The following C8orf76 variants were observed in gnomAD, a reference collection of about 807,000 sequenced individuals.
C8orf76 encodes the protein chromosome 8 open reading frame 76.
Under a neutral mutation model 38.1 loss-of-function variants are expected in C8orf76, and 46 were observed. That is an observed-to-expected ratio of 1.21 (90% CI 0.95 to 1.54). The LOEUF (loss-of-function observed/expected upper bound fraction) is 1.54. Ranked by LOEUF, C8orf76 falls within the 40% of genes most tolerant of loss-of-function variation. The pLI, the probability that C8orf76 is intolerant of heterozygous loss-of-function variation, is 0.00. For missense variants in C8orf76, 461 were observed against 441.6 expected (o/e 1.04, Z -0.39); for synonymous variants, 166 against 167.5 (o/e 0.99, Z 0.07).
At chr8:123,228,407 G>A (rs951739153) in intron 4 of C8orf76, among the ~76,000 whole-genome samples, 11 of 152,068 alleles carry the variant, frequency 7.2e-5, no homozygotes, top group Non-Finnish European at 1.5e-4. Context: ...GATCACCTGA[G>A]GTCGGGAATT....
chr8:123,223,611 C>CA (rs926099952), intron 5 of C8orf76, among the ~76,000 whole-genome samples: 48 of 150,758 alleles, frequency 3.2e-4, no homozygotes, highest in Non-Finnish European at 5.8e-4. Flanking sequence ...CCGTCTCAAA[C>CA]AAAAAAAACA....
chr8:123,237,197 AC>A (rs1825526895), intron 3 of C8orf76: 1 of 666,114 alleles, frequency 1.5e-6, no homozygotes, highest in Non-Finnish European at 2.7e-6. Context: ...AACAACCTGT[AC>A]CCCAAGACGA....
chr8:123,236,813 C>CTTTTTTTT, intron 3 of C8orf76: 2 of 622,322 alleles, frequency 3.2e-6, no homozygotes. Flanking sequence ...GAAAAATTCC[C>CTTTTTTTT]TTTTTCTTCA....
intron 2 of C8orf76, among the ~76,000 whole-genome samples, chr8:123,238,156 C>T (rs1825561967): frequency 6.6e-6 from 1 of 152,148 alleles, no homozygotes; most frequent in South Asian, 2.1e-4. Flanking sequence ...ATTGCAGCTC[C>T]CATAACCCCC....
chr8:123,227,956 T>C (rs1825106695), intron 4 of C8orf76, among the ~76,000 whole-genome samples: 1 of 152,096 alleles, frequency 6.6e-6, no homozygotes, highest in South Asian at 2.1e-4. Context: ...GTAACTTGCT[T>C]TCTGCCCTCT....
chr8:123,231,654 T>C lies in C8orf76; in HGVS notation c.461A>G (p.Gln154Arg). The change falls in exon 4 of 6, where the codon CAG becomes CGG. Residue 154 changes from glutamine (Q) to arginine (R), a missense_variant. Transcript: ENST00000276704. ...QNLEKTIFCL[Q>R]KLISLHPFNP... ...AAAAGGATGCAAAGAAATCAGTTTC[T>C]GCAGGCAGAAAATTGTTTTCTCCAA... is the stretch of plus-strand genomic sequence containing the variant. 1.2e-6 allele frequency: 2 copies of C among 1,614,170 alleles called. No individual in the cohort carries two copies. Among genetic ancestry groups the C allele is most frequent in the South Asian group, 1.1e-5 (1 of 91,076 alleles).
chr8:123,222,533 C>A (rs932852091), intron 5 of C8orf76, among the ~76,000 whole-genome samples: 2 of 152,058 alleles, frequency 1.3e-5, no homozygotes, highest in African/African-American at 2.4e-5. Flanking sequence ...TTTTAAACTT[C>A]CATATGCCAA....
At chr8:123,222,138 G>A (rs541197921) in intron 5 of C8orf76, among the ~76,000 whole-genome samples, 35 of 152,216 alleles carry the variant, frequency 2.3e-4, no homozygotes, top group South Asian at 1.9e-3. Flanking sequence ...ACAGGCGTGC[G>A]CCACCAGGCC....
intron 4 of C8orf76, among the ~76,000 whole-genome samples, chr8:123,230,927 C>T (rs900889522): frequency 3.3e-5 from 5 of 152,178 alleles, no homozygotes; most frequent in South Asian, 2.1e-4. Flanking sequence ...GGATTACAGG[C>T]GTGAGCCACC....
At chr8:123,227,800 G>GT (rs1185726936) in intron 4 of C8orf76, among the ~76,000 whole-genome samples, 2 of 152,136 alleles carry the variant, frequency 1.3e-5, no homozygotes, top group South Asian at 2.1e-4. Context: ...CGGAATTGAC[G>GT]TAAGTGCAAT....
intron 3 of C8orf76, chr8:123,236,997 C>G: frequency 6.5e-7 from 1 of 1,542,898 alleles, no homozygotes; most frequent in Non-Finnish European, 8.9e-7. Context: ...GATGGCCGCA[C>G]TCTCTCAGAC....
rs1240816546 is a variant in C8orf76, at chr8:123,241,278, C to G, written c.69G>C (p.Arg23=). The G allele has an allele frequency of 6.3e-7, 1 of 1,582,862 alleles. No homozygotes were observed. The highest frequency in any genetic ancestry group is 1.1e-5 in the South Asian group (1 of 89,212). Residue 23 remains arginine (R), a synonymous_variant, in exon 1 of 6, where the codon CGG becomes CGC. Coordinates refer to ENST00000276704, the MANE Select transcript of C8orf76 (RefSeq NM_032847.3). The part of the protein sequence containing the change: ...EDSVFEERPE[R]RSGPPASYCA... ...AGTAGGACGCGGGCGGTCCTGACCG[C>G]CGCTCCGGCCTCTCCTCGAACACCG...
chr8:123,227,324 T>C (rs1040061360), intron 4 of C8orf76, among the ~76,000 whole-genome samples: 3 of 151,686 alleles, frequency 2.0e-5, no homozygotes, highest in African/African-American at 7.3e-5. Flanking sequence ...TGGTACCTAC[T>C]GCAATGCCCA....
At chr8:123,224,645 T>G (rs549157252) in intron 5 of C8orf76, among the ~76,000 whole-genome samples, 1 of 152,202 alleles carries the variant, frequency 6.6e-6, no homozygotes, top group South Asian at 2.1e-4. Flanking sequence ...ATGTACATTA[T>G]AATCCTAATT....
At chr8:123,223,606 TCAAACAAAAAAAA>T (rs1434475843) in intron 5 of C8orf76, among the ~76,000 whole-genome samples, 1 of 151,962 alleles carries the variant, frequency 6.6e-6, no homozygotes, top group Non-Finnish European at 1.5e-5. Context: ...AGACTCCGTC[TCAAACAAAAAAAA>T]CAAACAAAAA....
chr8:123,226,199 C>A, intron 5 of C8orf76: 1 of 1,202,474 alleles, frequency 8.3e-7, no homozygotes. Flanking sequence ...TGTAAGCATT[C>A]ATTCATTCAT....
chr8:123,239,065 C>T lies in C8orf76; in HGVS notation c.197G>A (p.Arg66Lys). ...LKKFKGDLAY[R>K]RQEYQKALQE... ...GAATTCTACCTGATACTCTTGTCGTCTGTAGGCCAGGTCTCCTTTGAATTT... is the reference window on the plus strand; with the variant it reads ...GAATTCTACCTGATACTCTTGTCGTTTGTAGGCCAGGTCTCCTTTGAATTT... The change falls in exon 2 of 6, where the codon AGA (arginine) becomes AAA (lysine). Residue 66 changes from arginine to lysine, a missense_variant. Coordinates refer to ENST00000276704, the MANE Select transcript of C8orf76 (RefSeq NM_032847.3). 1 of 1,614,124 alleles carries T rather than the reference C, an allele frequency of 6.2e-7. No homozygotes were observed. Among genetic ancestry groups the T allele is most frequent in the Non-Finnish European group, 8.5e-7 (1 of 1,180,006 alleles).
chr8:123,226,069 C>A, intron 5 of C8orf76: 1 of 801,328 alleles, frequency 1.2e-6, no homozygotes. Context: ...CAGACCAGCT[C>A]TCCCACTGAA....
At chr8:123,222,014 A>G (rs1771290729) in intron 5 of C8orf76, among the ~76,000 whole-genome samples, 1 of 152,142 alleles carries the variant, frequency 6.6e-6, no homozygotes, top group Admixed American at 6.5e-5. Context: ...GGGGGGTCAG[A>G]GTCTCACTCT....
Sources: allele counts gnomAD v4.1 joint callset (sites outside exome capture counted in the v4.1 genomes callset), GRCh38; gene constraint gnomAD v4.1.1; transcripts MANE v1.5; gene names NCBI Gene and HGNC (gene_info 2026-07-23, HGNC 2026-07-21).